FILIP1L: variants seen among roughly 807,000 people sequenced by gnomAD.
The protein encoded by FILIP1L is filamin A interacting protein 1 like.
Under a neutral mutation model 96.6 loss-of-function variants are expected in FILIP1L, and 55 were observed. The observed-to-expected ratio is 0.57, with a 90% CI of 0.46 to 0.71. The LOEUF is 0.71. Among genes scored for constraint, FILIP1L ranks in the 30% least tolerant of loss-of-function variants. The pLI, the probability that FILIP1L is intolerant of heterozygous loss-of-function variation, is 0.00. For missense variants in FILIP1L, 1,304 were observed against 1,321.2 expected (o/e 0.99, Z 0.20); for synonymous variants, 467 against 473.9 (o/e 0.99, Z 0.19).
intron 1 of FILIP1L, among the ~76,000 whole-genome samples, chr3:100,094,422 T>A (rs1240834470): frequency 6.6e-6 from 1 of 152,128 alleles, no homozygotes; most frequent in Non-Finnish European, 1.5e-5. Context: ...GTGGCAAAAG[T>A]CTTTTGTTTT....
intron 4 of FILIP1L, among the ~76,000 whole-genome samples, chr3:99,868,404 CTT>C (rs1311599496): frequency 1.3e-5 from 2 of 152,170 alleles, no homozygotes; most frequent in Admixed American, 1.3e-4. Flanking sequence ...AGGACCTCCT[CTT>C]TGGCCTGAGA....
intron 5 of FILIP1L, among the ~76,000 whole-genome samples, chr3:99,837,688 C>G (rs1942957325): frequency 6.6e-6 from 1 of 152,298 alleles, no homozygotes; most frequent in Non-Finnish European, 1.5e-5. Context: ...TCCTTCTGAC[C>G]TGGGAAGATA....
chr3:100,013,220 T>TGG (rs2107202048), intron 1 of FILIP1L, among the ~76,000 whole-genome samples: 1 of 146,306 alleles, frequency 6.8e-6, no homozygotes, highest in African/African-American at 2.6e-5. Flanking sequence ...TGAGGTGTTG[T>TGG]TGTTGTTGTT....
intron 1 of FILIP1L, among the ~76,000 whole-genome samples, chr3:100,049,301 A>T (rs907046268): frequency 2.0e-5 from 3 of 152,188 alleles, no homozygotes; most frequent in Non-Finnish European, 4.4e-5. Context: ...CAAAGATTAG[A>T]GGTTAGACTA....
intron 1 of FILIP1L, among the ~76,000 whole-genome samples, chr3:100,092,876 A>T (rs1169339342): frequency 6.6e-6 from 1 of 151,668 alleles, no homozygotes. Flanking sequence ...TCATTCCAGG[A>T]GTTAACAGCG....
intron 4 of FILIP1L, among the ~76,000 whole-genome samples, chr3:99,887,643 T>C (rs1486076369): frequency 6.6e-6 from 1 of 152,240 alleles, no homozygotes; most frequent in Non-Finnish European, 1.5e-5. Context: ...CATGGCATTG[T>C]TAGAAAATTC....
At chr3:99,989,682 A>ATT (rs1448811033) in intron 1 of FILIP1L, among the ~76,000 whole-genome samples, 4 of 23,364 alleles carry the variant, frequency 1.7e-4, no homozygotes, top group African/African-American at 3.4e-4. Context: ...ATATATATAT[A>ATT]TATTTTTTTT....
At chr3:99,957,885 T>G (rs1168468318) in intron 1 of FILIP1L, among the ~76,000 whole-genome samples, 1 of 150,784 alleles carries the variant, frequency 6.6e-6, no homozygotes, top group Non-Finnish European at 1.5e-5. Flanking sequence ...GAAATGTCAT[T>G]TTTTAGATTC....
chr3:99,876,867 GA>G (rs1001540466), intron 4 of FILIP1L, among the ~76,000 whole-genome samples: 2 of 151,908 alleles, frequency 1.3e-5, no homozygotes, highest in Non-Finnish European at 2.9e-5. Context: ...TTTTGGCAGG[GA>G]AAAAATTTTT....
chr3:100,100,185 G>A (rs940006141), intron 1 of FILIP1L, among the ~76,000 whole-genome samples: 2 of 152,148 alleles, frequency 1.3e-5, no homozygotes, highest in African/African-American at 4.8e-5. Flanking sequence ...TTGGTGTGTG[G>A]GCTCTGGGGG....
chr3:99,905,396 A>G (rs1382742461), intron 4 of FILIP1L, among the ~76,000 whole-genome samples: 1 of 152,108 alleles, frequency 6.6e-6, no homozygotes, highest in Non-Finnish European at 1.5e-5. Context: ...CAGTCTTCTA[A>G]TTGCTCTTAC....
intron 1 of FILIP1L, among the ~76,000 whole-genome samples, chr3:100,078,533 C>A (rs1328504011): frequency 6.6e-6 from 1 of 151,958 alleles, no homozygotes; most frequent in African/African-American, 2.4e-5. Context: ...GGCCACATTG[C>A]AAGAATTGTC....
At chr3:100,106,307 T>C (rs2066394179) in intron 1 of FILIP1L, among the ~76,000 whole-genome samples, 1 of 152,148 alleles carries the variant, frequency 6.6e-6, no homozygotes, top group Non-Finnish European at 1.5e-5. Context: ...GACTGAAAGC[T>C]CAGTCCTCTT....
intron 4 of FILIP1L, among the ~76,000 whole-genome samples, chr3:99,921,262 A>G (rs1707115399): frequency 6.6e-6 from 1 of 152,172 alleles, no homozygotes; most frequent in African/African-American, 2.4e-5. Context: ...CTTGTGTGTA[A>G]GCACCTCCTC....
At chr3:99,948,665 A>G (rs577519161) in intron 1 of FILIP1L, among the ~76,000 whole-genome samples, 2 of 149,926 alleles carry the variant, frequency 1.3e-5, no homozygotes, top group Admixed American at 6.6e-5. Flanking sequence ...GGGGAAGGGA[A>G]GGGAAAGAGG....
intron 1 of FILIP1L, among the ~76,000 whole-genome samples, chr3:99,992,186 A>C (rs1424632136): frequency 1.3e-5 from 2 of 152,034 alleles, no homozygotes; most frequent in Non-Finnish European, 2.9e-5. Flanking sequence ...TATATATCCC[A>C]GTAGTGAAAT....
chr3:99,976,105 G>A (rs1049067362), intron 1 of FILIP1L, among the ~76,000 whole-genome samples: 1 of 151,844 alleles, frequency 6.6e-6, no homozygotes. Context: ...GGCTGGTCTC[G>A]AACTTTTGAC....
intron 5 of FILIP1L, among the ~76,000 whole-genome samples, chr3:99,838,805 T>G (rs2107500359): frequency 6.6e-6 from 1 of 152,340 alleles, no homozygotes; most frequent in African/African-American, 2.4e-5. Context: ...TTTCTAGGGT[T>G]GTTGTAAAAT....
chr3:100,062,751 G>A (rs966198584), intron 1 of FILIP1L, among the ~76,000 whole-genome samples: 4 of 152,160 alleles, frequency 2.6e-5, no homozygotes, highest in South Asian at 2.1e-4. Flanking sequence ...CTGAGATGTC[G>A]TTGTGAAAAA....
Sources: gnomAD v4.1 joint callset for allele counts (sites outside exome capture counted in the v4.1 genomes callset) on GRCh38, gnomAD v4.1.1 for gene constraint, MANE v1.5 for transcripts, NCBI Gene and HGNC (gene_info 2026-07-23, HGNC 2026-07-21) for gene names.